ZNF718: variants seen among roughly 807,000 people sequenced by gnomAD.
ZNF718 encodes the protein zinc finger protein 718.
A neutral mutation model predicts 2.6 loss-of-function variants in ZNF718; 3 were observed. The observed-to-expected ratio is 1.16, with a 90% CI of 0.53 to 3.01. The LOEUF is 3.01. Among genes scored for constraint, ZNF718 ranks in the 30% most tolerant of loss-of-function variants. ZNF718 has a pLI of 0.03. For missense variants in ZNF718, 468 were observed against 230.0 expected (o/e 2.03, Z -6.69); for synonymous variants, 135 against 77.9 (o/e 1.73, Z -3.86).
intron 3 of ZNF718, among the ~76,000 whole-genome samples, chr4:188,749 G>A (rs1191643863): frequency 5.3e-5 from 8 of 152,124 alleles, no homozygotes; most frequent in South Asian, 4.1e-4. Flanking sequence ...AAAGATTTGT[G>A]GGAGAAGTGT....
chr4:177,035 C>A (rs1331676294), intron 3 of ZNF718, among the ~76,000 whole-genome samples: 2 of 152,182 alleles, frequency 1.3e-5, no homozygotes, highest in Non-Finnish European at 2.9e-5. Flanking sequence ...TACCTCACCC[C>A]TAAAATTTCC....
downstream of ZNF718, among the ~76,000 whole-genome samples, chr4:167,477 C>A (rs1244413106): frequency 1.3e-5 from 2 of 152,158 alleles, no homozygotes; most frequent in Non-Finnish European, 2.9e-5. Flanking sequence ...TCTTCCTACC[C>A]ATGAGCGTGG....
intron 3 of ZNF718, among the ~76,000 whole-genome samples, chr4:175,267 C>T (rs540626006): frequency 1.3e-5 from 2 of 152,254 alleles, no homozygotes; most frequent in African/African-American, 2.4e-5. Context: ...TCTTTTGGAT[C>T]GCAACTAACC....
chr4:162,022 C>T lies in ZNF718; in HGVS notation c.1337C>T (p.Thr446Ile), dbSNP rs1215967124. ...TTGAATAAACATAAGAAAATTCACA[C>T]TGTAGATAAACCCTACAAATGTAAA... ...SHLNKHKKIHTVDKPYKCKEC... is the reference protein window; with the variant it reads ...SHLNKHKKIHIVDKPYKCKEC... The change falls in exon 4 of 4, where the codon ACT becomes ATT. Residue 446 changes from threonine (T) to isoleucine (I), a missense_variant. Coordinates refer to ENST00000510175, the MANE Select transcript of ZNF718 (RefSeq NM_001039127.6). The T allele has an allele frequency of 6.4e-6, 5 of 778,208 alleles. No individual in the cohort carries two copies. The highest frequency in any genetic ancestry group is 1.7e-5 in the African/African-American group (1 of 59,194). 48.2% of individuals were successfully genotyped at this position (778,208 alleles called of 1,614,324 possible).
downstream of ZNF718, among the ~76,000 whole-genome samples, chr4:164,688 A>T (rs1717046958): frequency 6.6e-6 from 1 of 152,162 alleles, no homozygotes; most frequent in South Asian, 2.1e-4. Flanking sequence ...TTTAGTTAGA[A>T]TATTTTGTTT....
At position 157,087 on chromosome 4, in the gene ZNF718, GTTTC is replaced by G. The variant is rs1560119616; in HGVS notation, c.227-3809_227-3806del. ...TTGTTGTTTTTCTTTTTTTCTTTTT[GTTTC>G]TTTCTTTCTTTCTTTTTTTTTTTTT... On this transcript the variant is annotated intron_variant, in intron 3 of 3. Transcript: ENST00000510175. Among the ~76,000 whole-genome samples, 27 of 98,554 alleles carry G rather than the reference GTTTC, an allele frequency of 2.7e-4. No homozygotes were observed. The South Asian group carries it at 7.5e-3, about 27-fold the overall frequency. The allele number at this position is 98,554 out of a possible 152,430, so 64.7% of individuals were successfully genotyped here. A position where few individuals can be genotyped will look rare whatever the true frequency, so the allele number is the denominator to read the frequency against.
At chr4:160,147 G>A (rs184776840) in intron 3 of ZNF718, among the ~76,000 whole-genome samples, 149 of 152,274 alleles carry the variant, frequency 9.8e-4, no homozygotes, top group Non-Finnish European at 3.7e-4. Context: ...TCAGCACCCT[G>A]TATTATTGGA....
chr4:143,234 C>T (rs1715892739), intron 3 of ZNF718, among the ~76,000 whole-genome samples: 1 of 152,216 alleles, frequency 6.6e-6, no homozygotes, highest in African/African-American at 2.4e-5. Flanking sequence ...CTCTGTCACC[C>T]AGACTGGAGT....
chr4:177,961 G>T (rs1197072433), intron 3 of ZNF718, among the ~76,000 whole-genome samples: 2 of 152,046 alleles, frequency 1.3e-5, no homozygotes, highest in African/African-American at 4.8e-5. Context: ...ATGCTAAATT[G>T]AGCAGAGAGG....
At chr4:130,755 G>T in intron 1 of ZNF718, 33 bp from the exon 2 acceptor site, 3 of 290,498 alleles carry the variant, frequency 1.0e-5, no homozygotes, top group Admixed American at 6.2e-5. Context: ...AAAAAAAAAA[G>T]AATTCTGTCA....
At chr4:171,075 G>A (rs143828250) in intron 3 of ZNF718, among the ~76,000 whole-genome samples, 1,953 of 152,250 alleles carry the variant, frequency 0.013, 48 homozygotes, top group African/African-American at 0.044. Flanking sequence ...GTCAGGACCC[G>A]CAGCTTCAGG....
At chr4:144,922 T>C (rs113360134) in intron 3 of ZNF718, among the ~76,000 whole-genome samples, 2,448 of 143,506 alleles carry the variant, frequency 0.017, 74 homozygotes, top group African/African-American at 0.06. Context: ...CCCCATCATA[T>C]GCAAAGTTTT....
At chr4:146,937 CTG>C (rs1716092817) in intron 3 of ZNF718, among the ~76,000 whole-genome samples, 1 of 152,050 alleles carries the variant, frequency 6.6e-6, no homozygotes, top group Non-Finnish European at 1.5e-5. Flanking sequence ...ATTTAGTAAT[CTG>C]TGTACTTTTG....
At chr4:155,983 G>A (rs1297309945) in intron 3 of ZNF718, among the ~76,000 whole-genome samples, 1 of 152,134 alleles carries the variant, frequency 6.6e-6, no homozygotes, top group East Asian at 1.9e-4. Flanking sequence ...CATGAGACCT[G>A]ATGGTTTTTA....
chr4:153,722 G>A (rs1716439993), intron 3 of ZNF718, among the ~76,000 whole-genome samples: 1 of 152,138 alleles, frequency 6.6e-6, no homozygotes, highest in Non-Finnish European at 1.5e-5. Flanking sequence ...ATTAGGTATA[G>A]ATGGTATGTA....
At chr4:160,742 AG>A (rs1553814733) in intron 3 of ZNF718, among the ~76,000 whole-genome samples, 169 bp from the exon 4 acceptor site, 3 of 152,020 alleles carry the variant, frequency 2.0e-5, no homozygotes, top group African/African-American at 7.2e-5. Flanking sequence ...TAGTACAGAC[AG>A]TGTTTCACCA....
At chr4:200,556 C>T (rs905887525) in intron 3 of ZNF718, among the ~76,000 whole-genome samples, 12 of 152,088 alleles carry the variant, frequency 7.9e-5, no homozygotes, top group African/African-American at 1.7e-4. Context: ...CATGAGTCAC[C>T]GTGCCTGGCT....
At chr4:168,900 G>C (rs1287592654), downstream of ZNF718, among the ~76,000 whole-genome samples, 3 of 152,100 alleles carry the variant, frequency 2.0e-5, no homozygotes, top group African/African-American at 7.2e-5. Flanking sequence ...GCTAGCTTTT[G>C]AATGTGTTTG....
At chr4:124,860 C>T (rs1157564134) in intron 1 of ZNF718, 187 bp downstream of exon 1, 1 of 679,726 alleles carries the variant, frequency 1.5e-6, no homozygotes, top group Non-Finnish European at 2.4e-6. Context: ...TGCAGCCCTC[C>T]TTGTGCAGCT....
Sources: allele counts gnomAD v4.1 joint callset (sites outside exome capture counted in the v4.1 genomes callset), GRCh38; gene constraint gnomAD v4.1.1; transcripts MANE v1.5; gene names NCBI Gene and HGNC (gene_info 2026-07-23, HGNC 2026-07-21).